TMEM161B: variants seen among roughly 807,000 people sequenced by gnomAD.
TMEM161B encodes transmembrane protein 161B.
In TMEM161B, 34 loss-of-function variants were observed where a neutral mutation model predicts 61.8. The ratio of observed to expected loss-of-function variants is 0.55; its 90% CI spans 0.42 to 0.73. The LOEUF is 0.73. Among genes scored for constraint, TMEM161B ranks in the 30% least tolerant of loss-of-function variants. TMEM161B has a pLI of 0.00. For missense variants in TMEM161B, 456 were observed against 558.5 expected (o/e 0.82, Z 1.85); for synonymous variants, 167 against 192.8 (o/e 0.87, Z 1.11).
intron 8 of TMEM161B, among the ~76,000 whole-genome samples, chr5:88,203,429 A>G (rs1333700623): frequency 6.6e-6 from 1 of 152,040 alleles, no homozygotes; most frequent in Non-Finnish European, 1.5e-5. Flanking sequence ...TTTAATAAGC[A>G]GGTATTTAAT....
intron 4 of TMEM161B, chr5:88,221,903 GA>G: frequency 3.0e-6 from 1 of 336,314 alleles, no homozygotes; most frequent in Non-Finnish European, 6.0e-6. Context: ...TATCCTTATA[GA>G]AAAAGTATTT....
intron 2 of TMEM161B, among the ~76,000 whole-genome samples, chr5:88,232,361 A>G (rs1751140095): frequency 6.6e-6 from 1 of 152,214 alleles, no homozygotes; most frequent in Non-Finnish European, 1.5e-5. Context: ...ACAAAACAAA[A>G]TCCACAAATA....
At chr5:88,197,981 A>C (rs1749983346) in intron 10 of TMEM161B, 3 of 392,816 alleles carry the variant, frequency 7.6e-6, no homozygotes, top group Non-Finnish European at 9.3e-6. Flanking sequence ...GAATATTAAA[A>C]TAGATTCCTT....
In TMEM161B at chr5:88,198,961, G is replaced by A; in HGVS notation, c.1089+15C>T. On this transcript the variant is annotated intron_variant, in intron 10 of 11. Coordinates refer to ENST00000296595, the MANE Select transcript of TMEM161B (RefSeq NM_153354.5). ...TTTTTGCTATTTTTCATTTTGACTA[G>A]GGTATAAAACTTACCATTTTCTGTA... The A allele has an allele frequency of 6.3e-7, 1 of 1,580,544 alleles. No homozygotes were observed. The highest frequency in any genetic ancestry group is 1.2e-5 in the South Asian group (1 of 85,500).
At chr5:88,206,806 C>T (rs576675265) in intron 6 of TMEM161B, among the ~76,000 whole-genome samples, 50 of 151,604 alleles carry the variant, frequency 3.3e-4, no homozygotes, top group African/African-American at 9.7e-4. Context: ...AGGAAAAAAA[C>T]GAGACAGTAT....
At chr5:88,265,868 T>C (rs529557265) in intron 1 of TMEM161B, among the ~76,000 whole-genome samples, 3 of 152,172 alleles carry the variant, frequency 2.0e-5, no homozygotes, top group Non-Finnish European at 4.4e-5. Context: ...TACTACAGGA[T>C]GATACACAGA....
intron 1 of TMEM161B, among the ~76,000 whole-genome samples, chr5:88,260,523 C>T (rs1225465355): frequency 2.6e-5 from 4 of 152,172 alleles, no homozygotes; most frequent in Non-Finnish European, 4.4e-5. Flanking sequence ...CTGATGACAA[C>T]TCACTGCAAT....
chr5:88,226,576 C>T (rs944409500), intron 3 of TMEM161B, among the ~76,000 whole-genome samples: 1 of 152,128 alleles, frequency 6.6e-6, no homozygotes, highest in African/African-American at 2.4e-5. Flanking sequence ...CAGGTACACA[C>T]CCCCATGGCC....
At chr5:88,186,657 C>T (rs762842712), downstream of TMEM161B, among the ~76,000 whole-genome samples, 18 of 151,842 alleles carry the variant, frequency 1.2e-4, no homozygotes, top group Non-Finnish European at 2.5e-4. Context: ...GGGCCAAGTG[C>T]GGTGGCTCAC....
Position 88,258,094 on chromosome 5 carries a change from T to C in TMEM161B, c.3+10627A>G, listed in dbSNP as rs139828767. 1.2e-3 allele frequency among the ~76,000 whole-genome samples: 182 copies of C among 152,320 alleles called. No homozygotes were observed. The South Asian group carries it at 0.023, about 20-fold the overall frequency. On this transcript the variant is annotated intron_variant, in intron 1 of 11. Coordinates refer to ENST00000296595, the MANE Select transcript of TMEM161B (RefSeq NM_153354.5). The stretch of plus-strand genomic sequence containing the variant: ...ATTAAAATCAAGAATAAGCATTCAG[T>C]AAATGTTAGTTGAAATCAAATTAGA...
intron 5 of TMEM161B, among the ~76,000 whole-genome samples, chr5:88,211,002 C>T (rs1746615253): frequency 6.6e-6 from 1 of 152,128 alleles, no homozygotes; most frequent in Non-Finnish European, 1.5e-5. Context: ...CTTTGTTCCC[C>T]TAATCCTTTA....
At chr5:88,186,764 T>TA (rs201399127), downstream of TMEM161B, among the ~76,000 whole-genome samples, 43 of 146,374 alleles carry the variant, frequency 2.9e-4, no homozygotes, top group East Asian at 6.0e-4. Context: ...ACGTCTCTAC[T>TA]AAAAAAAAAA....
intron 2 of TMEM161B, among the ~76,000 whole-genome samples, chr5:88,237,929 A>G (rs1752126051): frequency 6.6e-6 from 1 of 152,130 alleles, no homozygotes; most frequent in African/African-American, 2.4e-5. Context: ...TTACTCATTA[A>G]GTCGACATAC....
At chr5:88,190,206 G>T (rs1338918657), downstream of TMEM161B, 1 of 701,056 alleles carries the variant, frequency 1.4e-6, no homozygotes, top group South Asian at 1.5e-5. Flanking sequence ...TTCAAAGGGG[G>T]CTGCTCCATA....
At chr5:88,241,680 G>A (rs915381446) in intron 1 of TMEM161B, among the ~76,000 whole-genome samples, 1 of 151,786 alleles carries the variant, frequency 6.6e-6, no homozygotes, top group African/African-American at 2.4e-5. Flanking sequence ...CACTTCCAGT[G>A]AATGGGTCTT....
intron 5 of TMEM161B, among the ~76,000 whole-genome samples, chr5:88,218,881 C>G (rs1021509299): frequency 4.6e-5 from 7 of 152,214 alleles, no homozygotes; most frequent in African/African-American, 1.7e-4. Context: ...CCCATGCAAC[C>G]TTTTTGAAGA....
intron 2 of TMEM161B, among the ~76,000 whole-genome samples, chr5:88,229,406 C>T (rs1402166639): frequency 6.6e-6 from 1 of 151,928 alleles, no homozygotes; most frequent in African/African-American, 2.4e-5. Flanking sequence ...CTGACTACTG[C>T]AAAATTCTCT....
At chr5:88,196,636 C>A (rs1199978668) in intron 11 of TMEM161B, 148 bp from the exon 12 acceptor site, 4 of 908,918 alleles carry the variant, frequency 4.4e-6, no homozygotes, top group Non-Finnish European at 6.2e-6. Flanking sequence ...AAATAATAAT[C>A]CTTCTAGATC....
chr5:88,229,121 CA>C (rs1389594824), intron 2 of TMEM161B, among the ~76,000 whole-genome samples: 1 of 152,176 alleles, frequency 6.6e-6, no homozygotes, highest in Admixed American at 6.5e-5. Flanking sequence ...CTACCACAGT[CA>C]AAATACTTTA....
Sources: gnomAD v4.1 joint callset for allele counts (sites outside exome capture counted in the v4.1 genomes callset) on GRCh38, gnomAD v4.1.1 for gene constraint, MANE v1.5 for transcripts, NCBI Gene and HGNC (gene_info 2026-07-23, HGNC 2026-07-21) for gene names.